COL20A1: variants seen among roughly 807,000 people sequenced by gnomAD.
COL20A1 encodes the protein collagen alpha-1(XX) chain.
COL20A1 carries 164 observed loss-of-function variants against 152.9 expected under a neutral mutation model. The observed-to-expected ratio is 1.07, with a 90% confidence interval of 0.94 to 1.22. The LOEUF (loss-of-function observed/expected upper bound fraction) is 1.22, where lower values mean the gene tolerates loss of function less well. Among genes scored for constraint, COL20A1 ranks in the 50% most tolerant of loss-of-function variants. The pLI is 0.00. For missense variants in COL20A1, 1,873 were observed against 1,744.8 expected, an observed-to-expected ratio of 1.07 and a Z score of -1.31; for synonymous variants, 864 against 756.0, an observed-to-expected ratio of 1.14 and a Z score of -2.34.
At chr20:63,301,810 A>C (rs2067866014) in intron 3 of COL20A1, among the ~76,000 whole-genome samples, 1 of 152,168 alleles carries the variant, frequency 6.6e-6, no homozygotes, top group South Asian at 2.1e-4. Flanking sequence ...TGTGTCTTCT[A>C]AGCAGCATAT....
In COL20A1 at chr20:63,319,119, C is replaced by T. The variant is rs776991275; in HGVS notation, c.2725C>T (p.Pro909Ser). ...HTIVFLVRLL[P>S]ETPREAFALW... ...CATCGTCTTCCTTGTGCGCCTACTTCCCGAGACACCCCGTGAGGCCTTCGC... is the reference window on the plus strand; with the variant it reads ...CATCGTCTTCCTTGTGCGCCTACTTTCCGAGACACCCCGTGAGGCCTTCGC... The change falls in exon 22 of 36, where the codon CCC (proline) becomes TCC (serine). Residue 909 changes from proline (P) to serine (S), a missense_variant. By Grantham distance (74) the Pro-to-Ser change is moderately conservative. Transcript: ENST00000358894. This position sits in a 1 kb window ranked among gnomAD's most constrained non-coding sequence, Gnocchi z 4.4. 2.5e-6 allele frequency: 4 copies of T among 1,612,938 alleles called. No individual in the cohort carries two copies. The highest frequency in any genetic ancestry group is 3.4e-6 in the Non-Finnish European group (4 of 1,179,628).
At chr20:63,312,719 G>T in intron 15 of COL20A1, 73 bp from the exon 16 acceptor site, 1 of 1,478,542 alleles carries the variant, frequency 6.8e-7, no homozygotes. Flanking sequence ...GTGCTCCTGG[G>T]TGTGGCTGCC....
In COL20A1 at chr20:63,308,024, A is replaced by G; in HGVS notation, c.709A>G (p.Ser237Gly). 1 of 1,612,562 alleles carries G rather than the reference A, an allele frequency of 6.2e-7. No individual in the cohort carries two copies. Among genetic ancestry groups the G allele is most frequent in the East Asian group, 2.2e-5 (1 of 44,868 alleles). Reference sequence around the variant, plus strand: ...GACTGAGTGGGACCTGAACTCCCTCAGCACCAAGGAACAGGTGCTGGCAGC... The same window carrying G: ...GACTGAGTGGGACCTGAACTCCCTCGGCACCAAGGAACAGGTGCTGGCAGC... ...AQTEWDLNSL[S>G]TKEQVLAAVR... The change falls in exon 7 of 36, where the codon AGC becomes GGC. Residue 237 changes from serine (S) to glycine (G), a missense_variant. By Grantham distance (56) the Ser-to-Gly change is moderately conservative. Transcript: ENST00000358894.
chr20:63,322,228 G>A, intron 27 of COL20A1, 117 bp downstream of exon 27: 1 of 842,256 alleles, frequency 1.2e-6, no homozygotes, highest in Non-Finnish European at 1.8e-6. Flanking sequence ...CCCTAGGCAG[G>A]GTGGGGTCTC....
In COL20A1 at chr20:63,308,078, A is replaced by C; in HGVS notation, c.763A>C (p.Asn255His). The change falls in exon 7 of 36, where the codon AAC becomes CAC. Residue 255 changes from asparagine (N) to histidine (H), a missense_variant. Transcript: ENST00000358894. Reference sequence around the variant, plus strand: ...GCGCCGCCTCCGCTACAAGGGGGGGAACACGTTCACAGGTACGGCCCAGGC... The same window carrying C: ...GCGCCGCCTCCGCTACAAGGGGGGGCACACGTTCACAGGTACGGCCCAGGC... ...AVRRLRYKGG[N>H]TFTGLALTHV... is the part of the protein sequence containing the mutation. The C allele has an allele frequency of 6.2e-7, 1 of 1,609,534 alleles. No homozygotes were observed. The highest frequency in any genetic ancestry group is 8.5e-7 in the Non-Finnish European group (1 of 1,179,672).
At chr20:63,315,477 A>G (rs774145682) in intron 20 of COL20A1, 38 bp downstream of exon 20, 27 of 1,537,936 alleles carry the variant, frequency 1.8e-5, no homozygotes, top group Non-Finnish European at 2.3e-5. Flanking sequence ...GCCCACCCAC[A>G]GTCTCTCGGG....
intron 21 of COL20A1, among the ~76,000 whole-genome samples, chr20:63,318,414 T>C (rs2068112640): frequency 6.6e-6 from 1 of 152,098 alleles, no homozygotes; most frequent in Non-Finnish European, 1.5e-5. Flanking sequence ...CCCTGCTCCC[T>C]GGACCCCGAT....
At position 63,303,840 on chromosome 20, in the gene COL20A1, C is replaced by T. The variant is rs576888190; in HGVS notation, c.194-1577C>T. On this transcript the variant is annotated intron_variant, in intron 3 of 35. Coordinates refer to ENST00000358894, the MANE Select transcript of COL20A1 (RefSeq NM_020882.4). ...CCCTCCAGGTGTGCAGGTGCTGGCT[C>T]CTCCCTCCCTTCCTCCCTCCAGGTG... is the stretch of plus-strand genomic sequence containing the variant. 4.2e-4 allele frequency among the ~76,000 whole-genome samples: 63 copies of T among 150,362 alleles called. 1 individual carries two copies. Among genetic ancestry groups the T allele is most frequent in the African/African-American group, 1.4e-3 (56 of 40,802 alleles).
At chr20:63,328,994 G>A (rs1443452356) in intron 34 of COL20A1, among the ~76,000 whole-genome samples, 1 of 152,172 alleles carries the variant, frequency 6.6e-6, no homozygotes, top group African/African-American at 2.4e-5. Context: ...AGATGGAGGA[G>A]AGGCTGATTC....
chr20:63,315,353 G>T, intron 19 of COL20A1, 51 bp from the exon 20 acceptor site: 1 of 1,538,168 alleles, frequency 6.5e-7, no homozygotes, highest in South Asian at 1.2e-5. Flanking sequence ...TCTGTCAGGC[G>T]TTGGAGGCTG....
intron 3 of COL20A1, among the ~76,000 whole-genome samples, chr20:63,303,646 C>T (rs942994998): frequency 5.3e-5 from 8 of 152,178 alleles, no homozygotes; most frequent in African/African-American, 1.7e-4. Flanking sequence ...ATGACAACAC[C>T]CCTGCCTCCC....
intron 2 of COL20A1, among the ~76,000 whole-genome samples, chr20:63,297,033 G>A (rs2067802710): frequency 6.6e-6 from 1 of 152,194 alleles, no homozygotes; most frequent in African/African-American, 2.4e-5. Context: ...AGATGGCCTG[G>A]ACACCCATCC....
intron 3 of COL20A1, among the ~76,000 whole-genome samples, chr20:63,300,831 A>G (rs940983023): frequency 6.6e-6 from 1 of 152,232 alleles, no homozygotes; most frequent in African/African-American, 2.4e-5. Flanking sequence ...TTTGATATGT[A>G]GAATTTTCAT....
intron 3 of COL20A1, among the ~76,000 whole-genome samples, chr20:63,303,943 G>A (rs551723067): frequency 3.4e-5 from 5 of 147,048 alleles, no homozygotes; most frequent in Non-Finnish European, 7.5e-5. Flanking sequence ...CTCCCTGCAG[G>A]TGTGCAGGTG....
rs780583500 is a variant in COL20A1, at chr20:63,310,410, G to C, written c.1293G>C (p.Thr431=). 4 of 1,610,904 alleles carry C rather than the reference G, an allele frequency of 2.5e-6. No individual in the cohort carries two copies. Among genetic ancestry groups the C allele is most frequent in the Non-Finnish European group, 3.4e-6 (4 of 1,179,210 alleles). The change falls in exon 11 of 36, where the codon ACG becomes ACC. Residue 431 remains threonine, a synonymous_variant. Transcript: ENST00000358894. ...TGGTGGAGGGACCCGCCGCCTCCACGGAGCTGCACAACCTGGCCTCCCGCA... is the reference window on the plus strand; with the variant it reads ...TGGTGGAGGGACCCGCCGCCTCCACCGAGCTGCACAACCTGGCCTCCCGCA... ...EVVVEGPAAS[T]ELHNLASRTE... is the part of the protein sequence containing the mutation.
rs1486176810 is a variant in COL20A1, at chr20:63,319,257, C to T, written c.2806+57C>T. On this transcript the variant is annotated intron_variant, in intron 22 of 35. Coordinates refer to ENST00000358894, the MANE Select transcript of COL20A1 (RefSeq NM_020882.4). The surrounding 1 kb of genome is among the most constrained non-coding windows in gnomAD (Gnocchi z 4.4). ...CAGGAGGAGTAGGGGCAGGGAGGCCCCAGAGCCCTGGGAGGCCTTCAGAGG... is the reference window on the plus strand; with the variant it reads ...CAGGAGGAGTAGGGGCAGGGAGGCCTCAGAGCCCTGGGAGGCCTTCAGAGG... 1.9e-6 allele frequency: 3 copies of T among 1,564,792 alleles called. No homozygotes were observed. Among genetic ancestry groups the T allele is most frequent in the South Asian group, 1.2e-5 (1 of 85,736 alleles).
At position 63,319,066 on chromosome 20, in the gene COL20A1, A is replaced by G. The variant is rs200830620; in HGVS notation, c.2672A>G (p.Tyr891Cys). The change falls in exon 22 of 36, where the codon TAC (tyrosine) becomes TGC (cysteine). Residue 891 changes from tyrosine (Y) to cysteine (C), a missense_variant. Coordinates refer to ENST00000358894, the MANE Select transcript of COL20A1 (RefSeq NM_020882.4). The surrounding 1 kb of genome is among the most constrained non-coding windows in gnomAD (Gnocchi z 4.4). Reference protein sequence around the residue: ...AQLTRRVSDVYPAPLPPEHTI... With the variant: ...AQLTRRVSDVCPAPLPPEHTI... The stretch of plus-strand genomic sequence containing the variant: ...TCCCCCAACCCCCACAGTGACGTCT[A>G]CCCAGCCCCCCTACCTCCAGAGCAC... 2.7e-5 allele frequency: 42 copies of G among 1,576,848 alleles called. 1 individual carries two copies. The African/African-American group carries it at 3.7e-4, about 14-fold the overall frequency.
chr20:63,324,059 A>T (rs1404146520), intron 27 of COL20A1, among the ~76,000 whole-genome samples: 1 of 152,092 alleles, frequency 6.6e-6, no homozygotes, highest in Non-Finnish European at 1.5e-5. Context: ...CTTCCTACAG[A>T]CCCACTCGGT....
rs1302210967 is a variant in COL20A1 at position 63,331,804 on chromosome 20, AAGAG to A, written c.*1092_*1095del. On this transcript the variant is annotated 3_prime_UTR_variant, in exon 36 of 36. Coordinates refer to ENST00000358894, the MANE Select transcript of COL20A1 (RefSeq NM_020882.4). ...GAATGAAAAGTATTAAAAAGGAACA[AAGAG>A]AGACCCTTGATATTGACAGAAGGAA... The A allele has an allele frequency of 6.6e-6, 1 of 152,260 alleles. No homozygotes were observed. Among genetic ancestry groups the A allele is most frequent in the Non-Finnish European group, 1.5e-5 (1 of 68,064 alleles). 9.4% of individuals were successfully genotyped at this position (152,260 alleles called of 1,614,324 possible).
Sources: gnomAD v4.1 joint callset for allele counts (sites outside exome capture counted in the v4.1 genomes callset) on GRCh38, gnomAD v4.1.1 for gene constraint, Gnocchi (gnomAD v3.1) non-coding constraint, MANE v1.5 for transcripts, NCBI Gene and HGNC (gene_info 2026-07-23, HGNC 2026-07-21) for gene names.